The following ARID5A variants were observed in gnomAD, a reference collection of about 807,000 sequenced individuals.
The protein encoded by ARID5A is AT-rich interaction domain 5A, also known as AT-rich interactive domain-containing protein 5A.
ARID5A carries 14 observed loss-of-function variants against 30.5 expected under a neutral mutation model. The observed-to-expected ratio is 0.46, with a 90% CI of 0.30 to 0.72. The LOEUF is 0.72. Among genes scored for constraint, ARID5A ranks in the 30% least tolerant of loss-of-function variants. ARID5A has a pLI of 0.07. For synonymous variants in ARID5A, 338 were observed against 340.4 expected, an observed-to-expected ratio of 0.99 and a Z score of 0.08; for missense variants, 669 against 786.2, an observed-to-expected ratio of 0.85 and a Z score of 1.78.
intron 1 of ARID5A, among the ~76,000 whole-genome samples, chr2:96,546,154 T>G (rs986839978): frequency 6.6e-6 from 1 of 152,194 alleles, no homozygotes; most frequent in African/African-American, 2.4e-5. Context: ...TGAGTACCAC[T>G]GGCCCCTGGC....
In ARID5A at chr2:96,550,506, G is replaced by A. The variant is rs937872926; in HGVS notation, c.411-68G>A. The stretch of plus-strand genomic sequence containing the variant: ...CGCCGGCGGGGAAGGGGGCTCAGAG[G>A]AGGCTACAGAGGCCCAGGGAGGGGA... On this transcript the variant is annotated intron_variant, in intron 5 of 6. Coordinates refer to ENST00000357485, the MANE Select transcript of ARID5A (RefSeq NM_212481.3). The surrounding 1 kb of genome is among the most constrained non-coding windows in gnomAD (Gnocchi z 6.6). The A allele has an allele frequency of 2.0e-6, 3 of 1,508,844 alleles. No homozygotes were observed. The East Asian group carries it at 7.4e-5, about 37-fold the overall frequency. 93.5% of individuals were successfully genotyped at this position (1,508,844 alleles called of 1,614,324 possible).
At chr2:96,543,467 C>T (rs1012364083) in intron 1 of ARID5A, among the ~76,000 whole-genome samples, 4 of 151,758 alleles carry the variant, frequency 2.6e-5, no homozygotes, top group Non-Finnish European at 5.9e-5. Flanking sequence ...GTCTCGGTGT[C>T]ACATTTTGGT....
Position 96,537,849 on chromosome 2 carries a change from C to T in ARID5A, c.4+1019C>T. On this transcript the variant is annotated intron_variant, in intron 1 of 6. Transcript: ENST00000357485. The surrounding 1 kb of genome is among the most constrained non-coding windows in gnomAD (Gnocchi z 4.8). Reference sequence around the variant, plus strand: ...CGAGGGCCCAGGGGGTCCCAAGGCGCTGCGGGTCCAGTGTCCCTTTGTTTG... The same window carrying T: ...CGAGGGCCCAGGGGGTCCCAAGGCGTTGCGGGTCCAGTGTCCCTTTGTTTG... 2 of 985,338 alleles carry T rather than the reference C, an allele frequency of 2.0e-6. No individual in the cohort carries two copies. Among genetic ancestry groups the T allele is most frequent in the South Asian group, 4.7e-5 (1 of 21,288 alleles). 61.0% of individuals were successfully genotyped at this position (985,338 alleles called of 1,614,324 possible).
rs370650646 is a variant in ARID5A at position 96,551,722 on chromosome 2, G to A, written c.1194G>A (p.Ala398=). The change falls in exon 7 of 7, where the codon GCG becomes GCA. Residue 398 remains alanine, a synonymous_variant. Coordinates refer to ENST00000357485, the MANE Select transcript of ARID5A (RefSeq NM_212481.3). ...VWGGDANRPS[A]FHKGGSRKGI... ...GCGGAGACGCTAACCGCCCTTCTGC[G>A]TTCCATAAAGGTGGCTCCAGAAAGG... is the stretch of plus-strand genomic sequence containing the variant. 5.3e-5 allele frequency: 80 copies of A among 1,518,830 alleles called. No homozygotes were observed. Among genetic ancestry groups the A allele is most frequent in the Non-Finnish European group, 6.9e-5 (78 of 1,135,616 alleles). The allele number at this position is 1,518,830 out of a possible 1,614,324, so 94.1% of individuals were successfully genotyped here.
rs1308182950 is a variant in ARID5A at position 96,536,879 on chromosome 2, G to A, written c.4+49G>A. ...CGGACAGGGGCTCGGCGGCCCTGCA[G>A]GGAGGTTCAAGGTGCCGGCGCCGGG... On this transcript the variant is annotated intron_variant, in intron 1 of 6. Transcript: ENST00000357485. 3.3e-6 allele frequency: 4 copies of A among 1,225,398 alleles called. No homozygotes were observed. The African/African-American group carries it at 4.7e-5, about 14-fold the overall frequency. The allele number at this position is 1,225,398 out of a possible 1,614,324, so 75.9% of individuals were successfully genotyped here.
At chr2:96,542,597 G>A (rs558907358) in intron 1 of ARID5A, among the ~76,000 whole-genome samples, 5 of 152,302 alleles carry the variant, frequency 3.3e-5, no homozygotes, top group South Asian at 2.1e-4. Context: ...TTTAAACCCT[G>A]CTGCCCCACC....
chr2:96,550,710 A>G lies in ARID5A; in HGVS notation c.547A>G (p.Lys183Glu). Residue 183 changes from lysine (K) to glutamate (E), a missense_variant, in exon 6 of 7, where the codon AAG becomes GAG. Transcript: ENST00000357485. The surrounding 1 kb of genome is among the most constrained non-coding windows in gnomAD (Gnocchi z 6.6). Reference protein sequence around the residue: ...DGATERPKKAKEERRMDQMMP... With the variant: ...DGATERPKKAEEERRMDQMMP... ...GGCCACCGAGAGGCCGAAGAAGGCC[A>G]AGGAGGAGCGGCGCATGGACCAGGT... 6.3e-7 allele frequency: 1 copy of G among 1,587,126 alleles called. No individual in the cohort carries two copies. The highest frequency in any genetic ancestry group is 1.2e-5 in the South Asian group (1 of 86,702).
Position 96,542,318 on chromosome 2 carries a change from C to T in ARID5A, c.5-5084C>T, listed in dbSNP as rs62154840. On this transcript the variant is annotated intron_variant, in intron 1 of 6. Transcript: ENST00000357485. ...GAGCACTAACCCTGAGAATGGAGAC[C>T]GAGTTCATCTGGGGACTCAGCTGGA... is the stretch of plus-strand genomic sequence containing the variant. Among the ~76,000 whole-genome samples, 9 of 152,278 alleles carry T rather than the reference C, an allele frequency of 5.9e-5. No individual in the cohort carries two copies. The East Asian group carries it at 1.5e-3, about 26-fold the overall frequency.
rs536788603 is a variant in ARID5A, at chr2:96,551,934, C to T, written c.1406C>T (p.Ala469Val). 3.0e-5 allele frequency: 46 copies of T among 1,522,938 alleles called. No homozygotes were observed. In the South Asian group the frequency reaches 3.8e-4, roughly 12 times the overall value. The allele number at this position is 1,522,938 out of a possible 1,614,324, so 94.3% of individuals were successfully genotyped here. ...GCCGTGTCTCCCTTTCTTAAGGAGG[C>T]GGATGCCAAGAAGTGTGGGGCCAAA... ...LRAVSPFLKE[A>V]DAKKCGAKPA... Residue 469 changes from alanine (A) to valine (V), a missense_variant, in exon 7 of 7, where the codon GCG becomes GTG. This residue lies in a region of ARID5A where 548 missense variants were observed against 577.4 expected (regional missense o/e 0.95). Coordinates refer to ENST00000357485, the MANE Select transcript of ARID5A (RefSeq NM_212481.3).
In ARID5A at chr2:96,550,411, G is replaced by C; in HGVS notation, c.410+126G>C. The C allele has an allele frequency of 7.0e-7, 1 of 1,432,024 alleles. No individual in the cohort carries two copies. Among genetic ancestry groups the C allele is most frequent in the Non-Finnish European group, 9.1e-7 (1 of 1,095,014 alleles). 88.7% of individuals were successfully genotyped at this position (1,432,024 alleles called of 1,614,324 possible). On this transcript the variant is annotated intron_variant, in intron 5 of 6. Coordinates refer to ENST00000357485, the MANE Select transcript of ARID5A (RefSeq NM_212481.3). This position sits in a 1 kb window ranked among gnomAD's most constrained non-coding sequence, Gnocchi z 6.6. The stretch of plus-strand genomic sequence containing the variant: ...GTATGCGCCGTCCTCAGAGCTGCGG[G>C]AGCCCAGGCTGGCTGGGCGCACTCA...
chr2:96,545,354 G>A (rs1233897828), intron 1 of ARID5A, among the ~76,000 whole-genome samples: 3 of 151,522 alleles, frequency 2.0e-5, no homozygotes, highest in East Asian at 2.0e-4. Flanking sequence ...ACAGGGTTTC[G>A]CCACGTTGGC....
In ARID5A at chr2:96,549,417, C is replaced by T. The variant is rs1295811125; in HGVS notation, c.217C>T (p.His73Tyr). The T allele has an allele frequency of 6.2e-7, 1 of 1,613,930 alleles. No individual in the cohort carries two copies. The highest frequency in any genetic ancestry group is 1.1e-5 in the South Asian group (1 of 91,064). The change falls in exon 3 of 7, where the codon CAC (histidine) becomes TAC (tyrosine). Residue 73 changes from histidine to tyrosine, a missense_variant. By Grantham distance (83) the His-to-Tyr change is moderately conservative (BLOSUM62 2). Coordinates refer to ENST00000357485, the MANE Select transcript of ARID5A (RefSeq NM_212481.3). This position sits in a 1 kb window ranked among gnomAD's most constrained non-coding sequence, Gnocchi z 6.1. ...VSLYKFMKER[H>Y]TPIERVPHLG... is the part of the protein sequence containing the mutation. The stretch of plus-strand genomic sequence containing the variant: ...CCTCTACAAGTTCATGAAGGAGCGA[C>T]ACACGCCCATCGAGAGGGTGCCCCA...
chr2:96,549,639 C>T lies in ARID5A; in HGVS notation c.260-114C>T. 6.5e-7 allele frequency: 1 copy of T among 1,541,382 alleles called. No individual in the cohort carries two copies. Among genetic ancestry groups the T allele is most frequent in the South Asian group, 1.1e-5 (1 of 88,746 alleles). Reference sequence around the variant, plus strand: ...CAGCCTGCCCGTCTATTGCAGTGGCCCTGGCTGGGTGTGTGCTGGTCTGTG... The same window carrying T: ...CAGCCTGCCCGTCTATTGCAGTGGCTCTGGCTGGGTGTGTGCTGGTCTGTG... On this transcript the variant is annotated intron_variant, in intron 3 of 6. Transcript: ENST00000357485. This position sits in a 1 kb window ranked among gnomAD's most constrained non-coding sequence, Gnocchi z 6.1.
In ARID5A at chr2:96,537,964, C is replaced by T; in HGVS notation, c.4+1134C>T. 1 of 985,548 alleles carries T rather than the reference C, an allele frequency of 1.0e-6. No homozygotes were observed. The highest frequency in any genetic ancestry group is 1.2e-6 in the Non-Finnish European group (1 of 830,016). The allele number at this position is 985,548 out of a possible 1,614,324, so 61.1% of individuals were successfully genotyped here. On this transcript the variant is annotated intron_variant, in intron 1 of 6. Coordinates refer to ENST00000357485, the MANE Select transcript of ARID5A (RefSeq NM_212481.3). The surrounding 1 kb of genome is among the most constrained non-coding windows in gnomAD (Gnocchi z 4.8). Reference sequence around the variant, plus strand: ...CCCACCCGGGCTCCTCTGGTGGGAGCCCACACGCACGGTGGCGTCACTGCG... The same window carrying T: ...CCCACCCGGGCTCCTCTGGTGGGAGTCCACACGCACGGTGGCGTCACTGCG...
chr2:96,549,745 T>TC lies in ARID5A; in HGVS notation c.260-3dup. ...GACTGACGGCCAGCCTGCTCTTCTCTCCCCCAGTTAACCTGTGGAAGATCT... is the reference window on the plus strand; with the variant it reads ...GACTGACGGCCAGCCTGCTCTTCTCTCCCCCCAGTTAACCTGTGGAAGATCT... On this transcript the variant is annotated splice_region_variant and splice_polypyrimidine_tract_variant and intron_variant, in intron 3 of 6. Coordinates refer to ENST00000357485, the MANE Select transcript of ARID5A (RefSeq NM_212481.3). The surrounding 1 kb of genome is among the most constrained non-coding windows in gnomAD (Gnocchi z 6.1). The TC allele has an allele frequency of 6.2e-7, 1 of 1,613,650 alleles. No individual in the cohort carries two copies. The highest frequency in any genetic ancestry group is 1.3e-5 in the African/African-American group (1 of 74,890).
chr2:96,546,269 G>A (rs1334774512), intron 1 of ARID5A, among the ~76,000 whole-genome samples: 3 of 152,220 alleles, frequency 2.0e-5, no homozygotes, highest in Non-Finnish European at 4.4e-5. Context: ...GGGAGGGAGT[G>A]AACCAATTCA....
Position 96,549,526 on chromosome 2 carries a change from G to A in ARID5A, c.259+67G>A. 1 of 1,581,752 alleles carries A rather than the reference G, an allele frequency of 6.3e-7. No homozygotes were observed. Among genetic ancestry groups the A allele is most frequent in the Non-Finnish European group, 8.6e-7 (1 of 1,160,156 alleles). Reference sequence around the variant, plus strand: ...GGACCCCGCCCAGGCAGGGCATCGGGCAGGCACTCCCACTCTGGGTGACCC... The same window carrying A: ...GGACCCCGCCCAGGCAGGGCATCGGACAGGCACTCCCACTCTGGGTGACCC... On this transcript the variant is annotated intron_variant, in intron 3 of 6. Transcript: ENST00000357485. The surrounding 1 kb of genome is among the most constrained non-coding windows in gnomAD (Gnocchi z 6.1).
rs753450008 is a variant in ARID5A at position 96,547,432 on chromosome 2, C to T, written c.35C>T (p.Ser12Phe). Reference sequence around the variant, plus strand: ...CCTGTCAAAGGGAACAGGAAGCAGTCCACGGAGGGTGACGCCCTAGACCCA... The same window carrying T: ...CCTGTCAAAGGGAACAGGAAGCAGTTCACGGAGGGTGACGCCCTAGACCCA... ...AAPVKGNRKQ[S>F]TEGDALDPPA... The change falls in exon 2 of 7, where the codon TCC (serine) becomes TTC (phenylalanine). Residue 12 changes from serine to phenylalanine, a missense_variant. Physicochemically the swap from Ser to Phe is radical, Grantham distance 155. This residue lies in a region of ARID5A where 56 missense variants were observed against 72.8 expected (regional missense o/e 0.77). Transcript: ENST00000357485. 6.2e-6 allele frequency: 10 copies of T among 1,614,028 alleles called. No homozygotes were observed. In the East Asian group the frequency reaches 2.2e-4, roughly 36 times the overall value.
At chr2:96,540,008 GC>G (rs2065818089) in intron 1 of ARID5A, among the ~76,000 whole-genome samples, 1 of 152,194 alleles carries the variant, frequency 6.6e-6, no homozygotes, top group Non-Finnish European at 1.5e-5. Context: ...TCCCAGCTCT[GC>G]CATGGATAAG....
Sources: allele counts gnomAD v4.1 joint callset (sites outside exome capture counted in the v4.1 genomes callset), GRCh38; gene constraint gnomAD v4.1.1; regional missense constraint gnomAD v4.1.1; non-coding constraint Gnocchi (gnomAD v3.1); transcripts MANE v1.5; gene names NCBI Gene and HGNC (gene_info 2026-07-23, HGNC 2026-07-21).